The following CHST9 variants were observed in gnomAD, a reference collection of about 807,000 sequenced individuals.
The protein encoded by CHST9 is carbohydrate sulfotransferase 9.
Under a neutral mutation model 44.4 loss-of-function variants are expected in CHST9, and 41 were observed. That is an observed-to-expected ratio of 0.92 (90% CI 0.72 to 1.20). The LOEUF is 1.20. Ranked by LOEUF, CHST9 falls within the 50% of genes most tolerant of loss-of-function variation. The pLI is 0.00. For synonymous variants in CHST9, 171 were observed against 178.4 expected (o/e 0.96, Z 0.33); for missense variants, 504 against 516.5 (o/e 0.98, Z 0.23).
At position 26,907,087 on chromosome 18, in the gene CHST9, A is replaced by G. The variant is rs958073385; in HGVS notation, c.*9172T>C. 1.3e-5 allele frequency: 2 copies of G among 152,340 alleles called. No homozygotes were observed. The highest frequency in any genetic ancestry group is 2.4e-5 in the African/African-American group (1 of 41,448). The allele number at this position is 152,340 out of a possible 1,614,324, so 9.4% of individuals were successfully genotyped here. The stretch of plus-strand genomic sequence containing the variant: ...TGTATGGAGGATGGCATTGAGGGAA[A>G]TGAGAGTGGGAGAGAAGTTCAAGAT... On this transcript the variant is annotated 3_prime_UTR_variant, in exon 6 of 6. Coordinates refer to ENST00000618847, the MANE Select transcript of CHST9 (RefSeq NM_031422.6).
intron 5 of CHST9, among the ~76,000 whole-genome samples, chr18:26,942,061 AT>A (rs550709534): frequency 4.9e-3 from 710 of 144,582 alleles, no homozygotes; most frequent in African/African-American, 8.2e-3. Flanking sequence ...GCAGCGCTCC[AT>A]TTTGCCTTTT....
chr18:27,019,239 T>C (rs528395858), intron 4 of CHST9, among the ~76,000 whole-genome samples: 17 of 152,322 alleles, frequency 1.1e-4, no homozygotes, highest in Admixed American at 5.2e-4. Flanking sequence ...TGCCGGTTTG[T>C]GGACCCACAG....
At chr18:27,002,228 A>T (rs1464409842) in intron 4 of CHST9, among the ~76,000 whole-genome samples, 2 of 146,416 alleles carry the variant, frequency 1.4e-5, no homozygotes, top group African/African-American at 2.5e-5. Context: ...ACCATCCTTA[A>T]TTTTTTTTTT....
chr18:27,047,880 A>G (rs2057523602), intron 3 of CHST9, among the ~76,000 whole-genome samples: 2 of 152,190 alleles, frequency 1.3e-5, no homozygotes, highest in African/African-American at 4.8e-5. Context: ...ACTTTAAGCT[A>G]AAAGGCAAGT....
At chr18:26,936,105 A>G (rs950785387) in intron 5 of CHST9, 2 of 152,204 alleles carry the variant, frequency 1.3e-5, no homozygotes, top group Non-Finnish European at 2.9e-5. Context: ...AGAAGTCCGT[A>G]GATAGATATC....
intron 2 of CHST9, among the ~76,000 whole-genome samples, chr18:27,055,166 G>A (rs1261763865): frequency 1.3e-5 from 2 of 151,912 alleles, no homozygotes; most frequent in Admixed American, 1.3e-4. Flanking sequence ...TGTTTCTTTG[G>A]CAAAATGCAC....
rs570024376 is a variant in CHST9 at position 27,143,603 on chromosome 18, A to T, written c.-96-698T>A. 1.0e-3 allele frequency among the ~76,000 whole-genome samples: 77 copies of T among 76,422 alleles called. No individual in the cohort carries two copies. In the East Asian group the frequency reaches 0.016, roughly 16 times the overall value. 50.1% of individuals were successfully genotyped at this position (76,422 alleles called of 152,430 possible). A position where few individuals can be genotyped will look rare whatever the true frequency, so the allele number is the denominator to read the frequency against. On this transcript the variant is annotated intron_variant, in intron 1 of 5. Transcript: ENST00000618847. Reference sequence around the variant, plus strand: ...ATAACCTTAACCTTTTATTTTTTTTAAAAAAATTGCATCCTTTTTTGAGAA... The same window carrying T: ...ATAACCTTAACCTTTTATTTTTTTTTAAAAAATTGCATCCTTTTTTGAGAA...
chr18:27,048,480 GTTCTC>G lies in CHST9; in HGVS notation c.140_144del (p.Arg47ThrfsTer40). 1.9e-6 allele frequency: 3 copies of G among 1,607,694 alleles called. No individual in the cohort carries two copies. The highest frequency in any genetic ancestry group is 1.7e-6 in the Non-Finnish European group (2 of 1,177,090). ...AAAATCTTACCTGAAGTTACTTTTT[GTTCTC>G]TTCTCTTCTCCACTCTCCCTGAAAT... is the stretch of plus-strand genomic sequence containing the variant. On this transcript the variant is annotated frameshift_variant, in exon 3 of 6. Coordinates refer to ENST00000618847, the MANE Select transcript of CHST9 (RefSeq NM_031422.6). LOFTEE classifies it high-confidence loss of function.
At chr18:27,180,442 G>A (rs943935252) in intron 1 of CHST9, among the ~76,000 whole-genome samples, 54 of 152,168 alleles carry the variant, frequency 3.5e-4, no homozygotes, top group Non-Finnish European at 2.1e-4. Context: ...AGTCTGAGAG[G>A]GTCAAGGATC....
At chr18:27,122,326 C>CCT (rs2143812181) in intron 2 of CHST9, among the ~76,000 whole-genome samples, 1 of 152,304 alleles carries the variant, frequency 6.6e-6, no homozygotes, top group African/African-American at 2.4e-5. Context: ...CTTACAACTT[C>CCT]AATAAGAGCT....
In CHST9 at chr18:26,916,693, A is replaced by G. The variant is rs544368300; in HGVS notation, c.898T>C (p.Tyr300His). ...GCCTTTCCGAATACTGGATGGTAATAACTATTGGGGTGTTCAAATTTGTCC... is the reference window on the plus strand; with the variant it reads ...GCCTTTCCGAATACTGGATGGTAATGACTATTGGGGTGTTCAAATTTGTCC... Reference protein sequence around the residue: ...FRDKFEHPNSYYHPVFGKAII... With the variant: ...FRDKFEHPNSHYHPVFGKAII... The change falls in exon 6 of 6, where the codon TAT becomes CAT. Residue 300 changes from tyrosine (Y) to histidine (H), a missense_variant. Tyr to His is a moderately conservative substitution (Grantham distance 83). Coordinates refer to ENST00000618847, the MANE Select transcript of CHST9 (RefSeq NM_031422.6). The G allele has an allele frequency of 1.4e-4, 219 of 1,613,896 alleles. 4 individuals are homozygous for G. In the South Asian group the frequency reaches 2.3e-3, roughly 17 times the overall value.
chr18:27,047,216 G>C (rs1411488022), intron 3 of CHST9, among the ~76,000 whole-genome samples: 4 of 151,984 alleles, frequency 2.6e-5, no homozygotes, highest in Admixed American at 2.6e-4. Flanking sequence ...GGCCAACTTA[G>C]CTTTCTTCCA....
At chr18:27,172,618 G>T (rs1323258401) in intron 1 of CHST9, among the ~76,000 whole-genome samples, 1 of 151,990 alleles carries the variant, frequency 6.6e-6, no homozygotes, top group African/African-American at 2.4e-5. Flanking sequence ...ATAAGCTGAA[G>T]ATGAACTGTA....
intron 2 of CHST9, among the ~76,000 whole-genome samples, chr18:27,073,712 C>G (rs2057868203): frequency 6.6e-6 from 1 of 152,028 alleles, no homozygotes; most frequent in Non-Finnish European, 1.5e-5. Flanking sequence ...GCTGCACTCT[C>G]TGTGGTTCCC....
chr18:26,929,059 A>G (rs2055829181), intron 5 of CHST9, among the ~76,000 whole-genome samples: 1 of 152,176 alleles, frequency 6.6e-6, no homozygotes, highest in African/African-American at 2.4e-5. Context: ...CTGTCTTACC[A>G]TAGTAAGAGG....
At chr18:27,142,252 T>C (rs1468445427) in intron 2 of CHST9, among the ~76,000 whole-genome samples, 2 of 152,210 alleles carry the variant, frequency 1.3e-5, no homozygotes, top group Non-Finnish European at 2.9e-5. Context: ...CAACCCCTCC[T>C]TTATAATAAA....
At chr18:26,980,538 A>G (rs1206590467) in intron 4 of CHST9, among the ~76,000 whole-genome samples, 4 of 152,144 alleles carry the variant, frequency 2.6e-5, no homozygotes, top group Admixed American at 6.6e-5. Flanking sequence ...CAGTTCACAC[A>G]CTGGAGTCAG....
chr18:26,938,332 C>T (rs1160492146), intron 5 of CHST9, among the ~76,000 whole-genome samples: 1 of 152,136 alleles, frequency 6.6e-6, no homozygotes, highest in African/African-American at 2.4e-5. Context: ...TTAGTGTCAC[C>T]ACTTTTCGAT....
chr18:26,999,059 A>G (rs2056919638), intron 4 of CHST9, among the ~76,000 whole-genome samples: 1 of 152,228 alleles, frequency 6.6e-6, no homozygotes, highest in Non-Finnish European at 1.5e-5. Context: ...CACTTGGGAG[A>G]ACATAATAAA....
Sources: gnomAD v4.1 joint callset for allele counts (sites outside exome capture counted in the v4.1 genomes callset) on GRCh38, gnomAD v4.1.1 for gene constraint, MANE v1.5 for transcripts, NCBI Gene and HGNC (gene_info 2026-07-23, HGNC 2026-07-21) for gene names.